The following KIAA1614 variants were observed in gnomAD, a reference collection of about 807,000 sequenced individuals.
KIAA1614 encodes the protein KIAA1614, also known as uncharacterized protein KIAA1614.
Under a neutral mutation model 88.7 loss-of-function variants are expected in KIAA1614, and 76 were observed. The ratio of observed to expected loss-of-function variants is 0.86; its 90% CI spans 0.71 to 1.04. KIAA1614 has a LOEUF of 1.04. Ranked by LOEUF, KIAA1614 falls within the 50% of genes least tolerant of loss-of-function variation. KIAA1614 has a pLI of 0.00. For missense variants in KIAA1614, 1,553 were observed against 1,582.5 expected (o/e 0.98, Z 0.32); for synonymous variants, 714 against 675.5 (o/e 1.06, Z -0.88).
intron 3 of KIAA1614, 27 bp downstream of exon 3, chr1:180,917,941 C>T (rs776657806): frequency 6.3e-7 from 1 of 1,588,148 alleles, no homozygotes; most frequent in South Asian, 1.1e-5. Flanking sequence ...CACATTTTCT[C>T]TCCCTCCCTC....
At chr1:180,914,739 TTTA>T (rs983318052) in intron 1 of KIAA1614, among the ~76,000 whole-genome samples, 24 of 151,066 alleles carry the variant, frequency 1.6e-4, no homozygotes, top group African/African-American at 5.7e-4. Context: ...TTTATTTTTA[TTTA>T]TTTTTTTTAT....
chr1:180,931,686 A>G (rs547882341), intron 4 of KIAA1614, among the ~76,000 whole-genome samples: 3 of 152,376 alleles, frequency 2.0e-5, no homozygotes, highest in Admixed American at 6.5e-5. Flanking sequence ...CTGCCTCTGC[A>G]GTGAATTCCA....
rs1313735090 is a variant in KIAA1614, at chr1:180,945,858, A to T, written c.*270A>T. On this transcript the variant is annotated 3_prime_UTR_variant, in exon 9 of 9. Transcript: ENST00000367588. ...AGTGGCTCATGCCTGTAATCCCAGA[A>T]CTTTGGGAGGCCGAGGCGCCTGGAT... The T allele has an allele frequency of 9.3e-6, 11 of 1,183,042 alleles. No individual in the cohort carries two copies. The highest frequency in any genetic ancestry group is 3.3e-4 in the Middle Eastern group (1 of 3,060). 73.3% of individuals were successfully genotyped at this position (1,183,042 alleles called of 1,614,324 possible).
intron 4 of KIAA1614, among the ~76,000 whole-genome samples, chr1:180,932,300 C>T (rs920125732): frequency 1.3e-5 from 2 of 152,122 alleles, no homozygotes; most frequent in Admixed American, 1.3e-4. Context: ...CTACAAATCC[C>T]TCTCTGAAAG....
intron 5 of KIAA1614, among the ~76,000 whole-genome samples, chr1:180,937,097 T>C (rs989567716): frequency 2.6e-5 from 4 of 152,262 alleles, no homozygotes; most frequent in Admixed American, 1.3e-4. Context: ...ACAGTAGATG[T>C]CCACTAATCA....
chr1:180,926,319 C>T (rs1654066264), intron 3 of KIAA1614, among the ~76,000 whole-genome samples: 1 of 152,084 alleles, frequency 6.6e-6, no homozygotes, highest in African/African-American at 2.4e-5. Context: ...CCAGGGTGCA[C>T]GTTGACCTTG....
intron 7 of KIAA1614, among the ~76,000 whole-genome samples, chr1:180,943,034 T>TG (rs75163385): frequency 8.6e-5 from 12 of 139,506 alleles, no homozygotes; most frequent in African/African-American, 3.0e-4. Flanking sequence ...TTGGGTTTTT[T>TG]TTTTTTTTTT....
intron 3 of KIAA1614, among the ~76,000 whole-genome samples, chr1:180,920,390 C>G (rs568348008): frequency 3.2e-4 from 49 of 152,292 alleles, no homozygotes; most frequent in Middle Eastern, 3.4e-3. Context: ...GGGCTTAGGA[C>G]TTTGGGGAGA....
intron 3 of KIAA1614, among the ~76,000 whole-genome samples, chr1:180,923,911 C>T (rs1172536042): frequency 1.3e-5 from 2 of 151,912 alleles, no homozygotes; most frequent in Non-Finnish European, 2.9e-5. Flanking sequence ...CCATCCTGCC[C>T]CACTGATATA....
intron 4 of KIAA1614, among the ~76,000 whole-genome samples, chr1:180,933,056 A>T (rs568470265): frequency 1.2e-3 from 186 of 152,190 alleles, no homozygotes; most frequent in Non-Finnish European, 1.5e-3. Flanking sequence ...AGTTCTTTTT[A>T]AAAAAAATTT....
intron 3 of KIAA1614, among the ~76,000 whole-genome samples, chr1:180,927,937 C>A (rs1654104941): frequency 6.6e-6 from 1 of 152,176 alleles, no homozygotes; most frequent in Non-Finnish European, 1.5e-5. Flanking sequence ...AGCCCTGATT[C>A]TTTGCATCTG....
chr1:180,941,004 C>CCCG, intron 6 of KIAA1614, 41 bp from the exon 7 acceptor site: 2 of 915,350 alleles, frequency 2.2e-6, no homozygotes, highest in Non-Finnish European at 1.6e-6. Flanking sequence ...GCCACCCTCC[C>CCCG]GGCCCTCCCC....
intron 3 of KIAA1614, among the ~76,000 whole-genome samples, chr1:180,919,412 A>G (rs1028058193): frequency 3.9e-5 from 6 of 152,112 alleles, no homozygotes; most frequent in Non-Finnish European, 2.9e-5. Flanking sequence ...GAGCGTGACT[A>G]CAGAAAGGCC....
At position 180,935,566 on chromosome 1, in the gene KIAA1614, G is replaced by A. The variant is rs1654309912; in HGVS notation, c.1657G>A (p.Ala553Thr). The change falls in exon 5 of 9, where the codon GCG becomes ACG. Residue 553 changes from alanine (A) to threonine (T), a missense_variant. By Grantham distance (58) the Ala-to-Thr change is moderately conservative. Coordinates refer to ENST00000367588, the MANE Select transcript of KIAA1614 (RefSeq NM_020950.2). This position sits in a 1 kb window ranked among gnomAD's most constrained non-coding sequence, Gnocchi z 6.1. Reference protein sequence around the residue: ...IDDPRPAQGKAPPVPRTLQEL... With the variant: ...IDDPRPAQGKTPPVPRTLQEL... ...CGACCCGCGCCCCGCCCAGGGGAAG[G>A]CGCCCCCCGTCCCCAGGACCCTCCA... The A allele has an allele frequency of 6.2e-7, 1 of 1,602,696 alleles. No individual in the cohort carries two copies. Among genetic ancestry groups the A allele is most frequent in the Non-Finnish European group, 8.5e-7 (1 of 1,174,948 alleles).
rs776705423 is a variant in KIAA1614 at position 180,936,205 on chromosome 1, G to T, written c.2296G>T (p.Val766Phe). ...ATCGGGGCCAGGAGGCCAGGCCCAG[G>T]TTACAGAAAGCCACGAGTCCCTGGA... is the stretch of plus-strand genomic sequence containing the variant. Reference protein sequence around the residue: ...ESSGPGGQAQVTESHESLEIV... With the variant: ...ESSGPGGQAQFTESHESLEIV... Residue 766 changes from valine (V) to phenylalanine (F), a missense_variant, in exon 5 of 9, where the codon GTT (valine) becomes TTT (phenylalanine). Physicochemically the swap from Val to Phe is conservative, Grantham distance 50. Transcript: ENST00000367588. 19 of 1,614,126 alleles carry T rather than the reference G, an allele frequency of 1.2e-5. No homozygotes were observed. The highest frequency in any genetic ancestry group is 1.7e-5 in the Admixed American group (1 of 60,022).
At chr1:180,915,754 A>T (rs556124609) in intron 1 of KIAA1614, among the ~76,000 whole-genome samples, 1 of 152,150 alleles carries the variant, frequency 6.6e-6, no homozygotes. Context: ...GGCAGCGAGC[A>T]AGTGAGCATT....
At chr1:180,945,184 CCCAGCCTCCAATG>C in intron 8 of KIAA1614, 106 bp from the exon 9 acceptor site, 1 of 1,229,232 alleles carries the variant, frequency 8.1e-7, no homozygotes. Context: ...TCAGCAGAAC[CCCAGCCTCCAATG>C]CCAGGCTCTT....
At chr1:180,923,890 A>C (rs951091204) in intron 3 of KIAA1614, among the ~76,000 whole-genome samples, 24 of 151,374 alleles carry the variant, frequency 1.6e-4, no homozygotes, top group Non-Finnish European at 3.2e-4. Context: ...GTCCTTACCA[A>C]CCCCCAGCTC....
chr1:180,942,822 A>C (rs1387347964), intron 7 of KIAA1614, among the ~76,000 whole-genome samples: 1 of 152,234 alleles, frequency 6.6e-6, no homozygotes, highest in African/African-American at 2.4e-5. Context: ...TAGGAAGTCG[A>C]CTGGGCAAGA....
Sources: gnomAD v4.1 joint callset for allele counts (sites outside exome capture counted in the v4.1 genomes callset) on GRCh38, gnomAD v4.1.1 for gene constraint, Gnocchi (gnomAD v3.1) non-coding constraint, MANE v1.5 for transcripts, NCBI Gene and HGNC (gene_info 2026-07-23, HGNC 2026-07-21) for gene names.